The following MTBP variants were observed in gnomAD, a reference collection of about 807,000 sequenced individuals.
The protein encoded by MTBP is MDM2 binding protein.
In MTBP, 101 loss-of-function variants were observed where a neutral mutation model predicts 117.0. The ratio of observed to expected loss-of-function variants is 0.86; its 90% confidence interval spans 0.73 to 1.02. The LOEUF (loss-of-function observed/expected upper bound fraction) is 1.02. Among genes scored for constraint, MTBP ranks in the 50% least tolerant of loss-of-function variants. The pLI is 0.00. For missense variants in MTBP, 970 were observed against 1,030.9 expected (o/e 0.94, Z 0.81); for synonymous variants, 350 against 351.5 (o/e 1.00, Z 0.05).
Position 120,470,863 on chromosome 8 carries a change from T to C in MTBP, c.1091T>C (p.Leu364Pro). The C allele has an allele frequency of 1.9e-6, 3 of 1,612,606 alleles. No individual in the cohort carries two copies. Among genetic ancestry groups the C allele is most frequent in the Non-Finnish European group, 1.7e-6 (2 of 1,179,002 alleles). The change falls in exon 11 of 22, where the codon CTG becomes CCG. Residue 364 changes from leucine to proline, a missense_variant. Coordinates refer to ENST00000305949, the MANE Select transcript of MTBP (RefSeq NM_022045.5). ...FVLPCTISNILIPPPNQLSSR... is the reference protein window; with the variant it reads ...FVLPCTISNIPIPPPNQLSSR... ...TTGCCATGTACCATTAGTAACATAC[T>C]GATTCCACCTCCCAACCAACTCAGT...
chr8:120,451,617 G>A (rs927888435), intron 4 of MTBP: 1 of 287,874 alleles, frequency 3.5e-6, no homozygotes. Context: ...GGGTCTTGCT[G>A]TGTCACCCAG....
chr8:120,518,771 C>T lies in MTBP; in HGVS notation c.2564C>T (p.Thr855Ile), dbSNP rs1183119858. Residue 855 changes from threonine to isoleucine, a missense_variant, in exon 20 of 22, where the codon ACT (threonine) becomes ATT (isoleucine). By Grantham distance (89) the Thr-to-Ile change is moderately conservative. Transcript: ENST00000305949. ...ATTACCGAGACTCATGAATGTTTCACTGCATGCAGCCAGCGTCTCTTTGAA... is the reference window on the plus strand; with the variant it reads ...ATTACCGAGACTCATGAATGTTTCATTGCATGCAGCCAGCGTCTCTTTGAA... ...HSITETHECF[T>I]ACSQRLFEIS... The T allele has an allele frequency of 6.2e-7, 1 of 1,611,962 alleles. No homozygotes were observed. The highest frequency in any genetic ancestry group is 8.5e-7 in the Non-Finnish European group (1 of 1,178,644).
intron 6 of MTBP, 73 bp from the exon 7 acceptor site, chr8:120,456,480 G>A: frequency 1.0e-6 from 1 of 959,780 alleles, no homozygotes; most frequent in Non-Finnish European, 1.6e-6. Context: ...TCTTAGGCTT[G>A]TAGTTAACTA....
chr8:120,521,453 C>T (rs1265770394), intron 20 of MTBP, among the ~76,000 whole-genome samples: 5 of 152,110 alleles, frequency 3.3e-5, no homozygotes, highest in East Asian at 3.9e-4. Context: ...GTTTTGTGTA[C>T]GAGACCTGAA....
chr8:120,489,733 G>A lies in MTBP; in HGVS notation c.1340-730G>A, dbSNP rs371181128. 6.8e-4 allele frequency among the ~76,000 whole-genome samples: 103 copies of A among 152,288 alleles called. 1 individual carries two copies. Among genetic ancestry groups the A allele is most frequent in the African/African-American group, 2.3e-3 (96 of 41,564 alleles). On this transcript the variant is annotated intron_variant, in intron 12 of 21. Coordinates refer to ENST00000305949, the MANE Select transcript of MTBP (RefSeq NM_022045.5). The stretch of plus-strand genomic sequence containing the variant: ...GAAGCCTAGGATCTGTTGTGAGCCA[G>A]GCCCCCAAGGCTCACGAAAGCTTCC...
At chr8:120,461,529 C>T (rs750773303) in intron 9 of MTBP, among the ~76,000 whole-genome samples, 3 of 151,968 alleles carry the variant, frequency 2.0e-5, no homozygotes, top group Non-Finnish European at 4.4e-5. Context: ...ATTGTTGAGA[C>T]TTTTCTATGG....
rs540018322 is a variant in MTBP, at chr8:120,495,461, G to GTTGA, written c.1448-1928_1448-1925dup. Among the ~76,000 whole-genome samples, 90 of 152,168 alleles carry GTTGA rather than the reference G, an allele frequency of 5.9e-4. 1 individual carries two copies. The highest frequency in any genetic ancestry group is 2.0e-3 in the African/African-American group (85 of 41,520). ...CCAGCCCCATTTATTGAACTGTGTAGTTGATTGGCAATTTAAATGGGAGAG... is the reference window on the plus strand; with the variant it reads ...CCAGCCCCATTTATTGAACTGTGTAGTTGATTGATTGGCAATTTAAATGGGAGAG... On this transcript the variant is annotated intron_variant, in intron 13 of 21. Coordinates refer to ENST00000305949, the MANE Select transcript of MTBP (RefSeq NM_022045.5).
chr8:120,465,168 C>G (rs1586944603), intron 10 of MTBP, among the ~76,000 whole-genome samples: 4 of 152,208 alleles, frequency 2.6e-5, no homozygotes, highest in African/African-American at 7.2e-5. Flanking sequence ...CTGTATATCC[C>G]TGTCCAGTCA....
intron 8 of MTBP, among the ~76,000 whole-genome samples, chr8:120,460,126 G>T (rs1207097862): frequency 6.6e-6 from 1 of 152,018 alleles, no homozygotes; most frequent in Non-Finnish European, 1.5e-5. Flanking sequence ...CAAAAAGAGG[G>T]TATCATTTGA....
chr8:120,488,361 T>C, intron 12 of MTBP, 29 bp downstream of exon 12: 1 of 1,459,306 alleles, frequency 6.9e-7, no homozygotes, highest in South Asian at 1.5e-5. Context: ...TAGAAAAACA[T>C]GTTTACATTG....
intron 11 of MTBP, among the ~76,000 whole-genome samples, chr8:120,482,437 G>A (rs1586954897): frequency 6.6e-6 from 1 of 151,912 alleles, no homozygotes; most frequent in Non-Finnish European, 1.5e-5. Flanking sequence ...ATGCTTCTGT[G>A]TCTGTTGAAC....
In MTBP at chr8:120,449,831, G is replaced by A. The variant is rs1813301160; in HGVS notation, c.200-1172G>A. 4.6e-5 allele frequency among the ~76,000 whole-genome samples: 7 copies of A among 152,270 alleles called. No homozygotes were observed. In the South Asian group the frequency reaches 1.4e-3, roughly 32 times the overall value. Reference sequence around the variant, plus strand: ...ACAGAACTAAAAACCGCTAGATTTAGTAACAAGTCAGTTATTGGTGACTTT... The same window carrying A: ...ACAGAACTAAAAACCGCTAGATTTAATAACAAGTCAGTTATTGGTGACTTT... On this transcript the variant is annotated intron_variant, in intron 2 of 21. Transcript: ENST00000305949.
chr8:120,504,366 G>C (rs1039441109), intron 15 of MTBP, among the ~76,000 whole-genome samples: 2 of 152,058 alleles, frequency 1.3e-5, no homozygotes, highest in African/African-American at 4.8e-5. Context: ...GCTATTTGCA[G>C]TATACAAGTC....
chr8:120,458,433 C>G (rs1813515365), intron 7 of MTBP, among the ~76,000 whole-genome samples: 1 of 152,154 alleles, frequency 6.6e-6, no homozygotes, highest in South Asian at 2.1e-4. Flanking sequence ...GTTGTTGTGC[C>G]TACCATTACT....
intron 11 of MTBP, among the ~76,000 whole-genome samples, chr8:120,478,148 C>G (rs907315590): frequency 1.3e-5 from 2 of 152,072 alleles, no homozygotes; most frequent in African/African-American, 4.8e-5. Context: ...CAAACTAACA[C>G]AAGAACAGAA....
At chr8:120,482,611 CATG>C (rs1814109622) in intron 11 of MTBP, among the ~76,000 whole-genome samples, 1 of 151,946 alleles carries the variant, frequency 6.6e-6, no homozygotes, top group Non-Finnish European at 1.5e-5. Flanking sequence ...TTAAAATAGT[CATG>C]GTGGAATTTA....
chr8:120,472,022 A>T (rs1289322910), intron 11 of MTBP: 1 of 152,118 alleles, frequency 6.6e-6, no homozygotes, highest in African/African-American at 2.4e-5. Flanking sequence ...TTTGGCCTTG[A>T]TGTGTGTTTT....
intron 6 of MTBP, among the ~76,000 whole-genome samples, chr8:120,455,969 A>G (rs1813460700): frequency 6.6e-6 from 1 of 152,164 alleles, no homozygotes; most frequent in South Asian, 2.1e-4. Context: ...GATTAATTGT[A>G]TATTACAATT....
At chr8:120,458,402 C>T (rs566784785) in intron 7 of MTBP, among the ~76,000 whole-genome samples, 15 of 152,312 alleles carry the variant, frequency 9.8e-5, no homozygotes, top group African/African-American at 2.9e-4. Flanking sequence ...AGTAACCACT[C>T]AGTAAGCATT....
Sources: gnomAD v4.1 joint callset for allele counts (sites outside exome capture counted in the v4.1 genomes callset) on GRCh38, gnomAD v4.1.1 for gene constraint, MANE v1.5 for transcripts, NCBI Gene and HGNC (gene_info 2026-07-23, HGNC 2026-07-21) for gene names.